Variants in EPG5 observed in about 807,000 individuals in gnomAD.
EPG5 encodes ectopic P-granules 5 autophagy tethering factor, also known as ectopic P granules protein 5 homolog.
Under a neutral mutation model 302.7 loss-of-function variants are expected in EPG5, and 159 were observed. The observed-to-expected ratio is 0.53, with a 90% CI of 0.46 to 0.60. The LOEUF is 0.60. Ranked by LOEUF, EPG5 falls within the 20% of genes least tolerant of loss-of-function variation. The probability of loss-of-function intolerance (pLI) is 0.00; values close to 1 mark genes in which losing one functional copy is unlikely to be tolerated. For synonymous variants in EPG5, 1,158 were observed against 1,136.8 expected (o/e 1.02, Z -0.37); for missense variants, 2,896 against 3,092.4 (o/e 0.94, Z 1.51).
At chr18:45,915,474 C>A in intron 20 of EPG5, 37 bp downstream of exon 20, 1 of 1,432,336 alleles carries the variant, frequency 7.0e-7, no homozygotes, top group South Asian at 1.2e-5. Context: ...TTAAAGTTCA[C>A]AAAGATAACA....
chr18:45,882,355 G>T lies in EPG5; in HGVS notation c.5437C>A (p.Leu1813Ile), dbSNP rs766928203. 1.2e-6 allele frequency: 2 copies of T among 1,614,214 alleles called. No homozygotes were observed. Among genetic ancestry groups the T allele is most frequent in the Non-Finnish European group, 1.7e-6 (2 of 1,180,036 alleles). Residue 1813 changes from leucine (L) to isoleucine (I), a missense_variant, in exon 31 of 44, where the codon CTT becomes ATT. Physicochemically the swap from Leu to Ile is conservative, Grantham distance 5. Coordinates refer to ENST00000282041, the MANE Select transcript of EPG5 (RefSeq NM_020964.3). The stretch of plus-strand genomic sequence containing the variant: ...AGATAAGTCCAGTGCTTACAGAAAA[G>T]ATTAAATGGCATCAAAATATCCTCA... ...PDEDILMPFN[L>I]FCKHWTYLLL...
the EPG5 span, chr18:45,837,423 G>C: frequency 7.2e-7 from 1 of 1,389,542 alleles, no homozygotes; most frequent in Non-Finnish European, 9.3e-7. Flanking sequence ...GGTTGGGGGA[G>C]CGTTTCCTGG....
chr18:45,966,969 T>C (rs1224114210), intron 1 of EPG5, among the ~76,000 whole-genome samples: 7 of 151,750 alleles, frequency 4.6e-5, no homozygotes, highest in African/African-American at 1.7e-4. Flanking sequence ...AAAAATGGGG[T>C]CCTGACAGAG....
chr18:45,951,829 AAATGGGGGAGGGGG>A (rs1456611669), intron 3 of EPG5, among the ~76,000 whole-genome samples: 9 of 152,190 alleles, frequency 5.9e-5, no homozygotes, highest in African/African-American at 2.2e-4. Context: ...TTAGTTAAGA[AAATGGGGGAGGGGG>A]AATTTTACTT....
Position 45,955,099 on chromosome 18 carries a change from C to T in EPG5, c.303G>A (p.Glu101=), listed in dbSNP as rs758143090. The T allele has an allele frequency of 1.2e-6, 2 of 1,613,776 alleles. No individual in the cohort carries two copies. Among genetic ancestry groups the T allele is most frequent in the Admixed American group, 1.7e-5 (1 of 59,998 alleles). ...TGGCCTCTCCCCCTTCCTTTGGGGG[C>T]TCTGTGTTACACGTCAGGGACTCTT... The part of the protein sequence containing the change: ...SNEESLTCNT[E]PPKEGGEARP... The change falls in exon 2 of 44, where the codon GAG becomes GAA. Residue 101 remains glutamate, a synonymous_variant. Transcript: ENST00000282041.
chr18:45,938,718 G>T (rs1227368521), intron 10 of EPG5, among the ~76,000 whole-genome samples: 2 of 152,092 alleles, frequency 1.3e-5, no homozygotes, highest in Admixed American at 1.3e-4. Context: ...GAGGTTAATG[G>T]AACAGTAGTA....
intron 27 of EPG5, 145 bp downstream of exon 27, chr18:45,899,259 T>C: frequency 4.7e-6 from 4 of 842,242 alleles, no homozygotes; most frequent in Non-Finnish European, 7.4e-6. Context: ...ATTAGCTCTA[T>C]GAGTGTTTTC....
intron 14 of EPG5, 98 bp from the exon 15 acceptor site, chr18:45,923,485 C>G: frequency 7.7e-7 from 1 of 1,306,740 alleles, no homozygotes; most frequent in Non-Finnish European, 1.0e-6. Flanking sequence ...AACAAAGGAT[C>G]TTCGATGTAG....
chr18:45,867,044 C>T, intron 37 of EPG5, 37 bp from the exon 38 acceptor site: 8 of 1,518,814 alleles, frequency 5.3e-6, no homozygotes, highest in Non-Finnish European at 7.3e-6. Flanking sequence ...GTTCCAGAGC[C>T]CCAATTTTTC....
chr18:45,871,044 C>T (rs2048861991), intron 35 of EPG5, among the ~76,000 whole-genome samples: 1 of 152,148 alleles, frequency 6.6e-6, no homozygotes, highest in South Asian at 2.1e-4. Context: ...AGCTTGTTGC[C>T]CTCAGTATGT....
At chr18:45,881,439 G>A (rs1390857483) in intron 31 of EPG5, among the ~76,000 whole-genome samples, 1 of 152,190 alleles carries the variant, frequency 6.6e-6, no homozygotes, top group East Asian at 1.9e-4. Context: ...CTTTCAAAAT[G>A]AGAGGCTGCA....
intron 6 of EPG5, among the ~76,000 whole-genome samples, chr18:45,947,351 T>C (rs1347906769): frequency 6.6e-6 from 1 of 151,968 alleles, no homozygotes; most frequent in Admixed American, 6.6e-5. Context: ...AGGCAGAGGT[T>C]GCAGTGAGCT....
intron 16 of EPG5, among the ~76,000 whole-genome samples, chr18:45,921,597 A>C (rs1312601922): frequency 1.3e-5 from 2 of 152,216 alleles, no homozygotes; most frequent in Non-Finnish European, 2.9e-5. Context: ...TAACTATGAT[A>C]TAGTGTGATA....
chr18:45,866,378 C>G (rs983610019), intron 38 of EPG5, among the ~76,000 whole-genome samples: 2 of 152,198 alleles, frequency 1.3e-5, no homozygotes, highest in Non-Finnish European at 2.9e-5. Context: ...ACCTTGGCCT[C>G]CTAAAGTGCT....
Position 45,927,591 on chromosome 18 carries a change from T to TGC in EPG5, c.2553+1277_2553+1278insGC, listed in dbSNP as rs1491168654. Among the ~76,000 whole-genome samples, 218 of 75,618 alleles carry TGC rather than the reference T, an allele frequency of 2.9e-3. 3 individuals are homozygous for TGC. The highest frequency in any genetic ancestry group is 8.6e-3 in the African/African-American group (207 of 24,142). 49.6% of individuals were successfully genotyped at this position (75,618 alleles called of 152,430 possible). ...ATGACTGAATGGATAAACAAAAAGT[T>TGC]ATACACACACACACACACACACACA... On this transcript the variant is annotated intron_variant, in intron 13 of 43. Transcript: ENST00000282041.
intron 13 of EPG5, among the ~76,000 whole-genome samples, chr18:45,927,593 T>TACACAC (rs67488772): frequency 0.14 from 18,448 of 133,114 alleles, 1,311 homozygotes; most frequent in Middle Eastern, 0.23. Context: ...CAAAAAGTTA[T>TACACAC]ACACACACAC....
intron 39 of EPG5, among the ~76,000 whole-genome samples, chr18:45,862,920 T>C (rs9958081): frequency 0.14 from 21,653 of 152,264 alleles, 2,060 homozygotes; most frequent in East Asian, 0.35. Flanking sequence ...ATTTCTATTA[T>C]GATTATTCCT....
At chr18:45,922,194 T>G in intron 16 of EPG5, 147 bp downstream of exon 16, 1 of 996,724 alleles carries the variant, frequency 1.0e-6, no homozygotes, top group South Asian at 1.7e-5. Context: ...CATCTCCCCT[T>G]GATAAGCTGT....
intron 1 of EPG5, among the ~76,000 whole-genome samples, chr18:45,963,513 A>T (rs760759671): frequency 6.6e-6 from 1 of 152,162 alleles, no homozygotes; most frequent in Non-Finnish European, 1.5e-5. Flanking sequence ...GGCAGGCACC[A>T]TAATCTGAGC....
Sources: gnomAD v4.1 joint callset for allele counts (sites outside exome capture counted in the v4.1 genomes callset) on GRCh38, gnomAD v4.1.1 for gene constraint, MANE v1.5 for transcripts, NCBI Gene and HGNC (gene_info 2026-07-23, HGNC 2026-07-21) for gene names.